EHBP1: variants seen among roughly 807,000 people sequenced by gnomAD.
The protein encoded by EHBP1 is EH domain binding protein 1.
A neutral mutation model predicts 144.0 loss-of-function variants in EHBP1; 55 were observed. The observed-to-expected ratio is 0.38, with a 90% CI of 0.31 to 0.48. The LOEUF (loss-of-function observed/expected upper bound fraction) is 0.48. Ranked by LOEUF, EHBP1 falls within the 20% of genes least tolerant of loss-of-function variation. The pLI is 0.98. For missense variants in EHBP1, 1,200 were observed against 1,364.2 expected (o/e 0.88, Z 1.90); for synonymous variants, 469 against 472.7 (o/e 0.99, Z 0.10).
chr2:62,963,352 G>A (rs1049834740), intron 14 of EHBP1, among the ~76,000 whole-genome samples: 6 of 152,168 alleles, frequency 3.9e-5, no homozygotes, highest in African/African-American at 1.4e-4. Context: ...AGCAGATTTA[G>A]ATAAGATCAC....
intron 19 of EHBP1, among the ~76,000 whole-genome samples, chr2:63,027,882 T>G (rs928437255): frequency 6.6e-6 from 1 of 152,194 alleles, no homozygotes; most frequent in African/African-American, 2.4e-5. Context: ...GAGGAATACG[T>G]TCACCAAATC....
chr2:62,994,666 T>A (rs1231557080), intron 18 of EHBP1, among the ~76,000 whole-genome samples: 1 of 152,150 alleles, frequency 6.6e-6, no homozygotes, highest in Non-Finnish European at 1.5e-5. Context: ...TTAAATTATC[T>A]ACAGTTTTTC....
chr2:62,981,135 T>C (rs370268834), intron 15 of EHBP1, among the ~76,000 whole-genome samples: 1 of 151,514 alleles, frequency 6.6e-6, no homozygotes, highest in Admixed American at 6.6e-5. Context: ...GCAGCTATCA[T>C]GCAGGATTTT....
intron 4 of EHBP1, among the ~76,000 whole-genome samples, chr2:62,766,117 A>C (rs1444135290): frequency 6.6e-6 from 1 of 152,218 alleles, no homozygotes; most frequent in Non-Finnish European, 1.5e-5. Flanking sequence ...AAACTCAGCC[A>C]GCTGCCATGC....
intron 7 of EHBP1, among the ~76,000 whole-genome samples, chr2:62,855,168 G>A (rs1443534744): frequency 6.6e-6 from 1 of 152,216 alleles, no homozygotes; most frequent in Non-Finnish European, 1.5e-5. Context: ...AGAAGTGCCT[G>A]CTTCTGCTGT....
intron 1 of EHBP1, among the ~76,000 whole-genome samples, chr2:62,676,377 G>A (rs1480077498): frequency 6.6e-6 from 1 of 152,248 alleles, no homozygotes; most frequent in Non-Finnish European, 1.5e-5. Context: ...ACTGCTGAGG[G>A]AGATGAATTG....
chr2:63,004,694 A>C (rs1439403089), intron 19 of EHBP1, among the ~76,000 whole-genome samples: 1 of 152,082 alleles, frequency 6.6e-6, no homozygotes, highest in Non-Finnish European at 1.5e-5. Context: ...TAATTTTAGC[A>C]TACAGCTCCA....
chr2:62,736,250 A>T, intron 2 of EHBP1, among the ~76,000 whole-genome samples: 1 of 119,414 alleles, frequency 8.4e-6, no homozygotes, highest in Non-Finnish European at 1.7e-5. Context: ...TTTTTGAGAC[A>T]GAGTCTTGTT....
intron 14 of EHBP1, among the ~76,000 whole-genome samples, chr2:62,962,994 T>C (rs2058071495): frequency 6.6e-6 from 1 of 152,312 alleles, no homozygotes. Context: ...AGGATGAAAC[T>C]GCAGGTTAGC....
Position 62,943,855 on chromosome 2 carries a change from G to C in EHBP1, c.1413+5G>C. On this transcript the variant is annotated splice_donor_5th_base_variant and intron_variant, in intron 12 of 22. Coordinates refer to ENST00000431489, the MANE Select transcript of EHBP1 (RefSeq NM_001142616.3). The stretch of plus-strand genomic sequence containing the variant: ...ATTAAAGAGAACAACAAAAAGGTAA[G>C]AATTGATGAGCAAGAAAAATACGTA... The C allele has an allele frequency of 6.3e-7, 1 of 1,596,020 alleles. No individual in the cohort carries two copies. Among genetic ancestry groups the C allele is most frequent in the Non-Finnish European group, 8.6e-7 (1 of 1,168,400 alleles).
chr2:62,948,190 T>G, intron 12 of EHBP1, 70 bp from the exon 13 acceptor site: 1 of 1,351,276 alleles, frequency 7.4e-7, no homozygotes, highest in East Asian at 2.4e-5. Flanking sequence ...AAATTAAAAA[T>G]GTGCTCTTTT....
chr2:62,762,273 C>T (rs185077470), intron 3 of EHBP1, among the ~76,000 whole-genome samples: 51 of 152,316 alleles, frequency 3.3e-4, no homozygotes, highest in Admixed American at 1.3e-3. Context: ...TTGCTGGCTT[C>T]TTCATTTTCT....
chr2:62,785,143 T>C (rs2042715452), intron 5 of EHBP1, among the ~76,000 whole-genome samples: 1 of 152,158 alleles, frequency 6.6e-6, no homozygotes, highest in African/African-American at 2.4e-5. Flanking sequence ...TTGTGGGATG[T>C]ACTGTGGTAT....
intron 19 of EHBP1, among the ~76,000 whole-genome samples, chr2:63,029,632 A>G (rs761072100): frequency 9.2e-5 from 14 of 152,138 alleles, no homozygotes; most frequent in Non-Finnish European, 1.6e-4. Flanking sequence ...AAGTAATACC[A>G]TTATCCATAT....
intron 10 of EHBP1, among the ~76,000 whole-genome samples, chr2:62,880,995 C>T (rs2051359025): frequency 6.6e-6 from 1 of 151,948 alleles, no homozygotes; most frequent in Admixed American, 6.6e-5. Flanking sequence ...CTACATTGCC[C>T]ATCAGCAGTA....
chr2:62,958,754 G>A (rs1221403688), intron 14 of EHBP1, among the ~76,000 whole-genome samples: 1 of 152,084 alleles, frequency 6.6e-6, no homozygotes, highest in African/African-American at 2.4e-5. Flanking sequence ...AAAATACGTA[G>A]TATGCTAAGA....
At chr2:62,860,432 A>G (rs1308049112) in intron 8 of EHBP1, among the ~76,000 whole-genome samples, 2 of 152,304 alleles carry the variant, frequency 1.3e-5, no homozygotes, top group African/African-American at 4.8e-5. Flanking sequence ...CGGAGGTTGC[A>G]GTGACCAAGA....
intron 3 of EHBP1, among the ~76,000 whole-genome samples, chr2:62,757,615 G>A (rs750349644): frequency 1.3e-5 from 2 of 151,348 alleles, no homozygotes; most frequent in African/African-American, 2.4e-5. Flanking sequence ...TGTGTTTTTA[G>A]TAGAGACGGG....
intron 10 of EHBP1, among the ~76,000 whole-genome samples, chr2:62,891,285 CAT>C (rs1223274549): frequency 3.3e-5 from 5 of 151,892 alleles, no homozygotes; most frequent in Non-Finnish European, 7.4e-5. Flanking sequence ...TACTACTTGA[CAT>C]GTTGACAAAG....
Sources: gnomAD v4.1 joint callset for allele counts (sites outside exome capture counted in the v4.1 genomes callset) on GRCh38, gnomAD v4.1.1 for gene constraint, MANE v1.5 for transcripts, NCBI Gene and HGNC (gene_info 2026-07-23, HGNC 2026-07-21) for gene names.